Variants in PLEKHG1 observed in about 807,000 individuals in gnomAD.
The protein encoded by PLEKHG1 is pleckstrin homology and RhoGEF domain containing G1, also known as pleckstrin homology domain-containing family G member 1.
Under a neutral mutation model 100.8 loss-of-function variants are expected in PLEKHG1, and 44 were observed. The ratio of observed to expected loss-of-function variants is 0.44; its 90% CI spans 0.34 to 0.56. The LOEUF is 0.56. Among genes scored for constraint, PLEKHG1 ranks in the 20% least tolerant of loss-of-function variants. The pLI is 0.01. For synonymous variants in PLEKHG1, 640 were observed against 662.5 expected (o/e 0.97, Z 0.52); for missense variants, 1,545 against 1,720.9 (o/e 0.90, Z 1.81).
chr6:150,780,247 C>T (rs865822428), intron 3 of PLEKHG1, among the ~76,000 whole-genome samples: 2 of 150,386 alleles, frequency 1.3e-5, no homozygotes, highest in East Asian at 2.0e-4. Context: ...GTGATTCTTC[C>T]GCCTCGACCT....
rs147096056 is a variant in PLEKHG1, at chr6:150,766,875, G to A, written c.412-1763G>A. 1.5e-3 allele frequency among the ~76,000 whole-genome samples: 228 copies of A among 152,284 alleles called. 1 individual carries two copies. Among genetic ancestry groups the A allele is most frequent in the African/African-American group, 5.1e-3 (213 of 41,552 alleles). Reference sequence around the variant, plus strand: ...TTCTCTCTTTAAGCCCCACTGCAGAGCCTCTGAATTCAGCCAGGTGAATGT... The same window carrying A: ...TTCTCTCTTTAAGCCCCACTGCAGAACCTCTGAATTCAGCCAGGTGAATGT... On this transcript the variant is annotated intron_variant, in intron 2 of 15. Coordinates refer to ENST00000358517, the Ensembl canonical transcript of PLEKHG1.
At chr6:150,625,150 A>C (rs1246741850) in intron 1 of PLEKHG1, among the ~76,000 whole-genome samples, 1 of 152,200 alleles carries the variant, frequency 6.6e-6, no homozygotes, top group Admixed American at 6.5e-5. Flanking sequence ...TCTCAAAAAA[A>C]AAAAATGGAT....
chr6:150,611,547 C>T (rs539482074), intron 1 of PLEKHG1, among the ~76,000 whole-genome samples: 1 of 152,296 alleles, frequency 6.6e-6, no homozygotes, highest in East Asian at 1.9e-4. Flanking sequence ...CGAGGTGGCT[C>T]ACGCCTGTAA....
At chr6:150,811,415 C>T (rs779385159) in intron 10 of PLEKHG1, among the ~76,000 whole-genome samples, 1 of 151,984 alleles carries the variant, frequency 6.6e-6, no homozygotes, top group Non-Finnish European at 1.5e-5. Flanking sequence ...GGACCACAGG[C>T]TTGTGCCACC....
intron 4 of PLEKHG1, 21 bp downstream of exon 5, chr6:150,786,480 T>C (rs762745359): frequency 7.9e-6 from 12 of 1,513,334 alleles, no homozygotes; most frequent in Non-Finnish European, 1.0e-5. Flanking sequence ...TTCATCCTTC[T>C]GGGCCAACTG....
intron 2 of PLEKHG1, among the ~76,000 whole-genome samples, chr6:150,754,669 CTTTTT>C: frequency 7.4e-6 from 1 of 134,924 alleles, no homozygotes. Flanking sequence ...GACTTTCTTT[CTTTTT>C]TTTTTTTTTT....
At chr6:150,603,569 G>C (rs545454666) in intron 1 of PLEKHG1, among the ~76,000 whole-genome samples, 1 of 152,226 alleles carries the variant, frequency 6.6e-6, no homozygotes, top group East Asian at 1.9e-4. Flanking sequence ...ACAGCTTCAG[G>C]TATGCCTGGG....
intron 3 of PLEKHG1, among the ~76,000 whole-genome samples, chr6:150,655,707 CAAAAAAAAAAA>C (rs775753925): frequency 5.2e-5 from 2 of 38,376 alleles, no homozygotes; most frequent in South Asian, 1.0e-3. Context: ...GACTCCATCT[CAAAAAAAAAAA>C]AAAAAAAAAA....
At position 150,600,962 on chromosome 6, in the gene PLEKHG1, A is replaced by ATT. The variant is rs1346581580; in HGVS notation, c.-204+948_-204+949dup. The ATT allele has an allele frequency of 3.3e-5, 5 of 152,212 alleles. No homozygotes were observed. Among genetic ancestry groups the ATT allele is most frequent in the Middle Eastern group, 6.8e-3 (2 of 294 alleles). The allele number at this position is 152,212 out of a possible 1,614,324, so 9.4% of individuals were successfully genotyped here. A position where few individuals can be genotyped will look rare whatever the true frequency, so the allele number is the denominator to read the frequency against. On this transcript the variant is annotated intron_variant, in intron 1 of 3. Transcript: ENST00000367326. This position sits in a 1 kb window ranked among gnomAD's most constrained non-coding sequence, Gnocchi z 6.2. ...GCAGGTGGCCGAGGCTACTGCACGT[A>ATT]TTTTCGAAATCACCGAGTGTGGGTG...
At chr6:150,612,809 T>C (rs568161356) in intron 1 of PLEKHG1, among the ~76,000 whole-genome samples, 31 of 152,186 alleles carry the variant, frequency 2.0e-4, no homozygotes, top group Non-Finnish European at 4.1e-4. Context: ...TCCAGATTTA[T>C]ATAACTTCTC....
intron 1 of PLEKHG1, among the ~76,000 whole-genome samples, chr6:150,623,840 G>A (rs1378685808): frequency 6.6e-6 from 1 of 152,174 alleles, no homozygotes; most frequent in Non-Finnish European, 1.5e-5. Flanking sequence ...AGGTCACTGT[G>A]CATGTGTATG....
chr6:150,791,715 T>C (rs994015605), intron 4 of PLEKHG1, among the ~76,000 whole-genome samples: 1 of 151,618 alleles, frequency 6.6e-6, no homozygotes, highest in African/African-American at 2.4e-5. Context: ...AATATGAATT[T>C]CTTTGTAGAA....
At chr6:150,671,110 T>TATATAC (rs1491586627) in intron 3 of PLEKHG1, among the ~76,000 whole-genome samples, 1 of 121,962 alleles carries the variant, frequency 8.2e-6, no homozygotes, top group African/African-American at 3.2e-5. Flanking sequence ...TATATATATA[T>TATATAC]ACACACACAC....
intron 2 of PLEKHG1, among the ~76,000 whole-genome samples, chr6:150,739,557 G>A (rs775220736): frequency 9.9e-5 from 15 of 151,830 alleles, no homozygotes; most frequent in African/African-American, 3.6e-4. Context: ...AGTCCCAGCC[G>A]CTTAGAAGGC....
chr6:150,832,163 G>A (rs767734959), exon 15 of PLEKHG1: 1 of 1,609,338 alleles, frequency 6.2e-7, no homozygotes, highest in South Asian at 1.1e-5. Context: ...CAAAGACCTG[G>A]CTGCCATCTT....
At chr6:150,810,504 GAAAGAAAGAAA>G (rs1583176095) in intron 10 of PLEKHG1, among the ~76,000 whole-genome samples, 12 of 78,670 alleles carry the variant, frequency 1.5e-4, no homozygotes, top group East Asian at 2.9e-4. Flanking sequence ...AGGAGGGAAA[GAAAGAAAGAAA>G]AAGAAAGAAA....
At chr6:150,721,802 T>C (rs1329022890) in intron 1 of PLEKHG1, among the ~76,000 whole-genome samples, 1 of 152,246 alleles carries the variant, frequency 6.6e-6, no homozygotes, top group Non-Finnish European at 1.5e-5. Context: ...TCAATGCCGT[T>C]GTCCATTGGA....
chr6:150,754,673 T>C (rs560163302), intron 2 of PLEKHG1, among the ~76,000 whole-genome samples: 4 of 150,852 alleles, frequency 2.7e-5, no homozygotes, highest in Admixed American at 1.3e-4. Context: ...TTCTTTCTTT[T>C]TTTTTTTTTT....
exon 16 of PLEKHG1, chr6:150,841,350 G>C: frequency 4.5e-6 from 1 of 221,000 alleles, no homozygotes; most frequent in East Asian, 1.3e-4. Context: ...CTCACATTTT[G>C]GTTATATTTG....
Sources: allele counts gnomAD v4.1 joint callset (sites outside exome capture counted in the v4.1 genomes callset), GRCh38; gene constraint gnomAD v4.1.1; non-coding constraint Gnocchi (gnomAD v3.1); transcripts MANE v1.5; gene names NCBI Gene and HGNC (gene_info 2026-07-23, HGNC 2026-07-21).